Variants in KL observed in about 807,000 individuals in gnomAD.
KL encodes alpha-klotho.
Under a neutral mutation model 84.2 loss-of-function variants are expected in KL, and 62 were observed. The observed-to-expected ratio is 0.74, with a 90% CI of 0.60 to 0.91. KL has a LOEUF of 0.91. Ranked by LOEUF, KL falls within the 40% of genes least tolerant of loss-of-function variation. The probability of loss-of-function intolerance (pLI) is 0.00; values close to 1 mark genes in which losing one functional copy is unlikely to be tolerated. For synonymous variants in KL, 528 were observed against 528.0 expected (o/e 1.00, Z 0.00); for missense variants, 1,261 against 1,305.7 (o/e 0.97, Z 0.53).
chr13:33,016,416 C>T (rs1870324819), upstream of KL: 7 of 873,826 alleles, frequency 8.0e-6, no homozygotes, highest in Middle Eastern at 5.7e-4. Flanking sequence ...CGGCGCGGGG[C>T]CCCGGAGCCT....
chr13:33,063,982 G>A lies in KL; in HGVS notation c.2835G>A (p.Arg945=). The change falls in exon 5 of 5, where the codon AGG becomes AGA. Residue 945 remains arginine (R), a synonymous_variant. Coordinates refer to ENST00000380099, the MANE Select transcript of KL (RefSeq NM_004795.4). ...CCAAGGCATCCATGAAACATTACAGGAAAATTATTGACAGCAATGGTTTCC... is the reference window on the plus strand; with the variant it reads ...CCAAGGCATCCATGAAACATTACAGAAAAATTATTGACAGCAATGGTTTCC... ...FEPKASMKHY[R]KIIDSNGFPG... The A allele has an allele frequency of 6.2e-7, 1 of 1,614,102 alleles. No homozygotes were observed. Among genetic ancestry groups the A allele is most frequent in the South Asian group, 1.1e-5 (1 of 91,068 alleles).
chr13:33,017,963 G>T (rs1161109086), intron 1 of KL, among the ~76,000 whole-genome samples: 1 of 152,160 alleles, frequency 6.6e-6, no homozygotes, highest in Non-Finnish European at 1.5e-5. Flanking sequence ...CAGTTGAAAG[G>T]GTTCCTCACT....
At chr13:33,049,692 G>A (rs1411551271) in intron 1 of KL, among the ~76,000 whole-genome samples, 1 of 152,178 alleles carries the variant, frequency 6.6e-6, no homozygotes. Context: ...CTGGGACTTG[G>A]ATTTCAGGCA....
intron 1 of KL, among the ~76,000 whole-genome samples, chr13:33,051,351 G>T (rs1871743554): frequency 6.6e-6 from 1 of 152,110 alleles, no homozygotes; most frequent in Non-Finnish European, 1.5e-5. Context: ...ACCAGCCAGG[G>T]CAACACAGCA....
In KL at chr13:33,065,974, C is replaced by G. The variant is rs944408404; in HGVS notation, c.*1788C>G. The G allele has an allele frequency of 6.2e-5, 11 of 176,508 alleles. No individual in the cohort carries two copies. The highest frequency in any genetic ancestry group is 2.6e-4 in the African/African-American group (11 of 42,318). The allele number at this position is 176,508 out of a possible 1,614,324, so 10.9% of individuals were successfully genotyped here. A position where few individuals can be genotyped will look rare whatever the true frequency, so the allele number is the denominator to read the frequency against. On this transcript the variant is annotated 3_prime_UTR_variant, in exon 5 of 5. Transcript: ENST00000380099. ...GAATGTATCACAACTTAACCGTTCC[C>G]GTTTGTTAGACTAGTTTCTTATTAA... is the stretch of plus-strand genomic sequence containing the variant.
intron 1 of KL, among the ~76,000 whole-genome samples, chr13:33,042,442 T>G (rs1403414574): frequency 1.3e-5 from 2 of 152,286 alleles, no homozygotes; most frequent in East Asian, 3.9e-4. Flanking sequence ...ACAGACTGAT[T>G]TTGGGACTTT....
chr13:33,040,615 G>A (rs1220807328), intron 1 of KL, among the ~76,000 whole-genome samples: 1 of 152,002 alleles, frequency 6.6e-6, no homozygotes. Context: ...TTATTTGTAG[G>A]ATTAAATTAA....
At chr13:33,052,409 A>G (rs1247634701) in intron 1 of KL, among the ~76,000 whole-genome samples, 1 of 152,204 alleles carries the variant, frequency 6.6e-6, no homozygotes, top group Non-Finnish European at 1.5e-5. Context: ...GGTTTCTTAG[A>G]CCACATAAGC....
intron 1 of KL, among the ~76,000 whole-genome samples, chr13:33,029,235 GA>G (rs1336691500): frequency 6.6e-6 from 1 of 152,158 alleles, no homozygotes; most frequent in African/African-American, 2.4e-5. Flanking sequence ...CAAAGTTTTA[GA>G]TTAATGCCTT....
chr13:33,057,382 G>T (rs896745579), intron 3 of KL, among the ~76,000 whole-genome samples: 1 of 152,138 alleles, frequency 6.6e-6, no homozygotes, highest in Admixed American at 6.5e-5. Context: ...AGTCTTAAGG[G>T]TACATCCTAT....
intron 4 of KL, 58 bp from the exon 5 acceptor site, chr13:33,063,791 G>C: frequency 8.0e-7 from 1 of 1,244,824 alleles, no homozygotes. Flanking sequence ...AAAAAAAAAA[G>C]TGATGTGTTG....
chr13:33,057,141 A>G (rs1391895997), intron 3 of KL, among the ~76,000 whole-genome samples: 1 of 151,918 alleles, frequency 6.6e-6, no homozygotes, highest in Non-Finnish European at 1.5e-5. Context: ...TCCTTGTTCT[A>G]TCTCTTGACC....
At chr13:33,047,945 G>A (rs7326387) in intron 1 of KL, among the ~76,000 whole-genome samples, 2,229 of 151,526 alleles carry the variant, frequency 0.015, 61 homozygotes, top group African/African-American at 0.05. Flanking sequence ...TGTTTATTTC[G>A]CTTTTCAGTT....
At chr13:33,026,709 T>C (rs1182779334) in intron 1 of KL, among the ~76,000 whole-genome samples, 1 of 152,216 alleles carries the variant, frequency 6.6e-6, no homozygotes, top group Admixed American at 6.5e-5. Flanking sequence ...CTGTGACACC[T>C]CTGCTACCAG....
intron 1 of KL, among the ~76,000 whole-genome samples, chr13:33,043,527 A>C (rs1871415406): frequency 6.6e-6 from 1 of 152,084 alleles, no homozygotes; most frequent in Non-Finnish European, 1.5e-5. Flanking sequence ...GCCTGTTGCC[A>C]GTATTTTTAG....
chr13:33,040,457 C>T (rs1026860780), intron 1 of KL, among the ~76,000 whole-genome samples: 6 of 152,120 alleles, frequency 3.9e-5, no homozygotes, highest in South Asian at 2.1e-4. Flanking sequence ...TTTTTGAAAA[C>T]GGTCACCTTT....
chr13:33,027,028 T>A (rs1203970486), intron 1 of KL, among the ~76,000 whole-genome samples: 2 of 152,206 alleles, frequency 1.3e-5, no homozygotes, highest in Non-Finnish European at 2.9e-5. Flanking sequence ...CCGCGTCTCC[T>A]GGGGTCCTTG....
chr13:33,017,674 T>C (rs1470498247), intron 1 of KL, among the ~76,000 whole-genome samples: 1 of 152,210 alleles, frequency 6.6e-6, no homozygotes, highest in African/African-American at 2.4e-5. Flanking sequence ...TCTGGAGCTG[T>C]CACGAGTTCA....
chr13:33,056,776 A>C (rs529391373), intron 3 of KL, among the ~76,000 whole-genome samples: 1 of 151,948 alleles, frequency 6.6e-6, no homozygotes, highest in Non-Finnish European at 1.5e-5. Flanking sequence ...ACTGCACTCC[A>C]GCCTGGGTGA....
Sources: allele counts gnomAD v4.1 joint callset (sites outside exome capture counted in the v4.1 genomes callset), GRCh38; gene constraint gnomAD v4.1.1; transcripts MANE v1.5; gene names NCBI Gene and HGNC (gene_info 2026-07-23, HGNC 2026-07-21).